AKAP7: variants seen among roughly 807,000 people sequenced by gnomAD.
AKAP7 encodes A kinase (PRKA) anchor protein 7.
In AKAP7, 39 loss-of-function variants were observed where a neutral mutation model predicts 39.5. That is an observed-to-expected ratio of 0.99 (90% confidence interval 0.76 to 1.29). The LOEUF (loss-of-function observed/expected upper bound fraction) is 1.29, where lower values mean the gene tolerates loss of function less well. AKAP7 is among the 50% of genes most tolerant of loss of function. AKAP7 has a pLI of 0.00. For missense variants in AKAP7, 414 were observed against 407.7 expected, an observed-to-expected ratio of 1.02 and a Z score of -0.13; for synonymous variants, 140 against 139.1, an observed-to-expected ratio of 1.01 and a Z score of -0.05.
chr6:131,133,670 C>T (rs181342376), upstream of AKAP7, among the ~76,000 whole-genome samples: 1 of 152,254 alleles, frequency 6.6e-6, no homozygotes, highest in Admixed American at 6.5e-5. Context: ...CTTTCTCCTG[C>T]CCATTTAGTT....
intron 7 of AKAP7, among the ~76,000 whole-genome samples, chr6:131,232,258 G>A (rs2128306484): frequency 6.6e-6 from 1 of 152,318 alleles, no homozygotes; most frequent in South Asian, 2.1e-4. Context: ...CGAGTTATTT[G>A]TGGAGCCTTC....
chr6:131,172,793 G>A (rs965971008), intron 5 of AKAP7, among the ~76,000 whole-genome samples: 1 of 152,022 alleles, frequency 6.6e-6, no homozygotes, highest in Non-Finnish European at 1.5e-5. Flanking sequence ...TAATTCTTTT[G>A]GCATTATTTG....
At chr6:131,200,785 A>G (rs1807479873) in intron 6 of AKAP7, 1 of 152,182 alleles carries the variant, frequency 6.6e-6, no homozygotes, top group African/African-American at 2.4e-5. Flanking sequence ...GATGACAACA[A>G]TTTACAAAAC....
At chr6:131,171,980 GA>G (rs924686322) in intron 5 of AKAP7, among the ~76,000 whole-genome samples, 69 of 152,284 alleles carry the variant, frequency 4.5e-4, no homozygotes, top group African/African-American at 1.6e-3. Context: ...GGAAAATTAG[GA>G]GGTGTGATCA....
chr6:131,193,782 T>C (rs1290310915), intron 5 of AKAP7, among the ~76,000 whole-genome samples: 2 of 152,118 alleles, frequency 1.3e-5, no homozygotes, highest in Non-Finnish European at 2.9e-5. Context: ...TCTTCATAGA[T>C]TGTATGTGTC....
At chr6:131,189,359 A>G (rs891301908) in intron 5 of AKAP7, among the ~76,000 whole-genome samples, 1 of 152,240 alleles carries the variant, frequency 6.6e-6, no homozygotes, top group Non-Finnish European at 1.5e-5. Flanking sequence ...ATTCTAGACT[A>G]TTCTTATTAA....
At chr6:131,253,323 T>C (rs1328492663) in intron 7 of AKAP7, among the ~76,000 whole-genome samples, 4 of 152,180 alleles carry the variant, frequency 2.6e-5, no homozygotes, top group East Asian at 3.8e-4. Context: ...AATATTCTTA[T>C]GCAATTTGAA....
chr6:131,190,760 G>A (rs1457169811), intron 5 of AKAP7, among the ~76,000 whole-genome samples: 3 of 152,040 alleles, frequency 2.0e-5, no homozygotes, highest in African/African-American at 4.8e-5. Context: ...CAGTACAAAT[G>A]CCCACTGTTT....
At chr6:131,140,619 A>T (rs75989652) in intron 1 of AKAP7, among the ~76,000 whole-genome samples, 1,725 of 152,332 alleles carry the variant, frequency 0.011, 29 homozygotes, top group African/African-American at 0.038. Flanking sequence ...AAATAGGTCA[A>T]TTTTTTATCA....
intron 3 of AKAP7, among the ~76,000 whole-genome samples, chr6:131,160,975 CT>C (rs1802885392): frequency 1.1e-5 from 1 of 87,578 alleles, no homozygotes; most frequent in Non-Finnish European, 2.3e-5. Context: ...GGAAGACTGA[CT>C]GTTTTTACCC....
At chr6:131,232,092 G>A (rs1585138645) in intron 7 of AKAP7, among the ~76,000 whole-genome samples, 1 of 152,226 alleles carries the variant, frequency 6.6e-6, no homozygotes, top group East Asian at 1.9e-4. Flanking sequence ...GGGCAGCTGT[G>A]GCTCAGGCTA....
chr6:131,253,079 G>A, intron 7 of AKAP7: 1 of 1,613,626 alleles, frequency 6.2e-7, no homozygotes, highest in African/African-American at 1.3e-5. Context: ...CAGAGATACA[G>A]CAAGGATATA....
intron 2 of AKAP7, among the ~76,000 whole-genome samples, chr6:131,156,795 T>C (rs1802455200): frequency 6.6e-6 from 1 of 151,392 alleles, no homozygotes; most frequent in Non-Finnish European, 1.5e-5. Flanking sequence ...TTTTTTGAGA[T>C]GGAGTCTCAC....
Position 131,228,067 on chromosome 6 carries a change from C to T in AKAP7, c.850+8259C>T, listed in dbSNP as rs989072375. Among the ~76,000 whole-genome samples the T allele has an allele frequency of 6.6e-5, 10 of 152,324 alleles. No individual in the cohort carries two copies. The East Asian group carries it at 1.9e-3, about 29-fold the overall frequency. On this transcript the variant is annotated intron_variant, in intron 7 of 7. Coordinates refer to ENST00000431975, the MANE Select transcript of AKAP7 (RefSeq NM_016377.4). ...CTCTGACGTCCTTATCTTCAGTGCT[C>T]CTTTACCCTTAGGGGCCAGGGCAGA...
chr6:131,202,482 T>C (rs1363308621), intron 6 of AKAP7, among the ~76,000 whole-genome samples: 1 of 151,112 alleles, frequency 6.6e-6, no homozygotes, highest in Non-Finnish European at 1.5e-5. Context: ...AAATTGGAAA[T>C]CATCATTCTC....
chr6:131,255,001 C>T (rs903430228), intron 7 of AKAP7, among the ~76,000 whole-genome samples: 4 of 151,956 alleles, frequency 2.6e-5, no homozygotes, highest in Admixed American at 6.6e-5. Context: ...TATATATAAC[C>T]GTAATTACCA....
intron 6 of AKAP7, among the ~76,000 whole-genome samples, chr6:131,214,539 CT>C (rs1375919226): frequency 6.6e-6 from 1 of 152,106 alleles, no homozygotes; most frequent in African/African-American, 2.4e-5. Flanking sequence ...AGTATTGTAC[CT>C]GATTATTTGG....
At chr6:131,164,607 G>A (rs1271652547) in intron 3 of AKAP7, 4 of 336,182 alleles carry the variant, frequency 1.2e-5, no homozygotes, top group Non-Finnish European at 2.4e-5. Flanking sequence ...CATGAGGAAC[G>A]GGTTCACAGA....
At chr6:131,230,219 T>C (rs748940866) in intron 7 of AKAP7, among the ~76,000 whole-genome samples, 7 of 152,240 alleles carry the variant, frequency 4.6e-5, no homozygotes, top group Non-Finnish European at 8.8e-5. Context: ...ACCAAAAGTA[T>C]GTAAGTGTTC....
Sources: allele counts gnomAD v4.1 joint callset (sites outside exome capture counted in the v4.1 genomes callset), GRCh38; gene constraint gnomAD v4.1.1; transcripts MANE v1.5; gene names NCBI Gene and HGNC (gene_info 2026-07-23, HGNC 2026-07-21).